KCNN2: variants seen among roughly 807,000 people sequenced by gnomAD.
KCNN2 encodes small conductance calcium-activated potassium channel protein 2.
Under a neutral mutation model 55.5 loss-of-function variants are expected in KCNN2, and 24 were observed. The observed-to-expected ratio is 0.43, with a 90% CI of 0.31 to 0.61. KCNN2 has a LOEUF of 0.61. Among genes scored for constraint, KCNN2 ranks in the 20% least tolerant of loss-of-function variants. KCNN2 has a pLI of 0.08. For missense variants in KCNN2, 754 were observed against 853.6 expected, an observed-to-expected ratio of 0.88 and a Z score of 1.45; for synonymous variants, 431 against 336.1, an observed-to-expected ratio of 1.28 and a Z score of -3.09.
At chr5:114,187,999 A>G (rs1002234622) in intron 1 of KCNN2, among the ~76,000 whole-genome samples, 1 of 150,944 alleles carries the variant, frequency 6.6e-6, no homozygotes, top group Admixed American at 6.6e-5. Flanking sequence ...TTTTTAGTAG[A>G]GATGGGTTTC....
At chr5:114,492,737 T>A (rs888466396) in intron 6 of KCNN2, among the ~76,000 whole-genome samples, 2 of 152,116 alleles carry the variant, frequency 1.3e-5, no homozygotes, top group Non-Finnish European at 2.9e-5. Context: ...CTGACTTTTA[T>A]CTACACTGAA....
chr5:114,489,267 C>G (rs188898820), intron 6 of KCNN2, among the ~76,000 whole-genome samples: 6 of 151,868 alleles, frequency 4.0e-5, no homozygotes, highest in African/African-American at 1.5e-4. Context: ...TCAACTTTGC[C>G]GTTAGGTTAT....
chr5:114,495,039 C>G (rs1302278602), intron 7 of KCNN2, among the ~76,000 whole-genome samples: 2 of 152,110 alleles, frequency 1.3e-5, no homozygotes, highest in Admixed American at 1.3e-4. Flanking sequence ...CTGTCTAGCT[C>G]TGAGCTGATC....
chr5:114,466,159 A>C (rs1700598912), intron 4 of KCNN2, among the ~76,000 whole-genome samples: 1 of 152,216 alleles, frequency 6.6e-6, no homozygotes, highest in Admixed American at 6.5e-5. Context: ...GAAATAAAAG[A>C]AAACCACTCA....
intron 3 of KCNN2, among the ~76,000 whole-genome samples, chr5:114,440,799 G>T (rs1229028392): frequency 6.8e-6 from 1 of 146,854 alleles, no homozygotes; most frequent in Non-Finnish European, 1.5e-5. Context: ...AAATAGAATA[G>T]AAAAATGTGT....
At position 114,148,939 on chromosome 5, in the gene KCNN2, T is replaced by G. The variant is rs548946761; in HGVS notation, c.-270-72541T>G. Reference sequence around the variant, plus strand: ...AGACTGAAAAGGAAGTAAAGTGACCTGAATAAGAGCCCAGTCAGCCCAACC... The same window carrying G: ...AGACTGAAAAGGAAGTAAAGTGACCGGAATAAGAGCCCAGTCAGCCCAACC... On this transcript the variant is annotated intron_variant, in intron 1 of 10. Transcript: ENST00000512097. 1.7e-4 allele frequency among the ~76,000 whole-genome samples: 26 copies of G among 152,142 alleles called. 1 individual carries two copies. In the East Asian group the frequency reaches 4.1e-3, roughly 24 times the overall value.
chr5:114,299,953 G>T (rs1756117948), intron 2 of KCNN2, among the ~76,000 whole-genome samples: 1 of 152,040 alleles, frequency 6.6e-6, no homozygotes, highest in African/African-American at 2.4e-5. Context: ...TTATTCAGAA[G>T]TCATCTCCAA....
At chr5:114,175,038 T>C (rs1753107853) in intron 1 of KCNN2, among the ~76,000 whole-genome samples, 1 of 152,192 alleles carries the variant, frequency 6.6e-6, no homozygotes, top group East Asian at 1.9e-4. Flanking sequence ...TGATACTATT[T>C]ATTTGCTGGG....
intron 2 of KCNN2, among the ~76,000 whole-genome samples, chr5:114,256,551 C>G (rs1222254818): frequency 3.3e-5 from 5 of 151,966 alleles, no homozygotes; most frequent in African/African-American, 9.7e-5. Flanking sequence ...TGTTTTTTGA[C>G]TTTGTAATCA....
At chr5:114,341,271 G>T (rs1285340498) in intron 2 of KCNN2, among the ~76,000 whole-genome samples, 2 of 152,180 alleles carry the variant, frequency 1.3e-5, no homozygotes, top group African/African-American at 2.4e-5. Context: ...TCAGTGTGCT[G>T]TAAAGAAGGG....
At chr5:114,279,121 GTAA>G (rs1319172519) in intron 2 of KCNN2, among the ~76,000 whole-genome samples, 1 of 151,960 alleles carries the variant, frequency 6.6e-6, no homozygotes, top group East Asian at 1.9e-4. Context: ...CTTAGTGACT[GTAA>G]TAATAATGCC....
intron 2 of KCNN2, among the ~76,000 whole-genome samples, chr5:114,279,896 A>G (rs568811557): frequency 6.6e-6 from 1 of 152,330 alleles, no homozygotes; most frequent in East Asian, 1.9e-4. Context: ...CAATAGTTGA[A>G]CTAGTTTACA....
rs57320559 is a variant in KCNN2, at chr5:114,085,053, CAT to C, written c.-271+28568_-271+28569del. Among the ~76,000 whole-genome samples, 387 of 149,974 alleles carry C rather than the reference CAT, an allele frequency of 2.6e-3. 3 individuals carry two copies. Among genetic ancestry groups the C allele is most frequent in the Non-Finnish European group, 4.3e-3 (288 of 67,252 alleles). The stretch of plus-strand genomic sequence containing the variant: ...CTGTTCCATTGATTATATATAGAGA[CAT>C]ATATATATATATATGTGTGTGTCTA... On this transcript the variant is annotated intron_variant, in intron 1 of 10. Transcript: ENST00000512097.
intron 1 of KCNN2, among the ~76,000 whole-genome samples, chr5:114,069,509 AT>A (rs554894816): frequency 1.8e-3 from 266 of 151,502 alleles, no homozygotes; most frequent in African/African-American, 6.2e-3. Context: ...GGCTCAGGAT[AT>A]TTTTTTTTCT....
chr5:114,424,295 T>C (rs1473664731), intron 3 of KCNN2, among the ~76,000 whole-genome samples: 1 of 152,174 alleles, frequency 6.6e-6, no homozygotes, highest in Non-Finnish European at 1.5e-5. Context: ...AAAAGGGAGA[T>C]GAGCACACAT....
chr5:114,293,814 T>C (rs1755948457), intron 2 of KCNN2, among the ~76,000 whole-genome samples: 1 of 152,206 alleles, frequency 6.6e-6, no homozygotes, highest in Non-Finnish European at 1.5e-5. Context: ...TGTGAATCCA[T>C]CTGGTCCTGG....
chr5:114,446,869 T>C (rs1392955015), intron 3 of KCNN2, among the ~76,000 whole-genome samples: 1 of 152,132 alleles, frequency 6.6e-6, no homozygotes, highest in Non-Finnish European at 1.5e-5. Context: ...ACCACTGCGC[T>C]CCAGACTGGG....
intron 1 of KCNN2, among the ~76,000 whole-genome samples, chr5:114,204,621 A>G (rs1457531464): frequency 6.6e-6 from 1 of 152,162 alleles, no homozygotes; most frequent in Non-Finnish European, 1.5e-5. Context: ...AATGAGTATG[A>G]AAGTTCTTCA....
At chr5:114,257,274 T>C (rs1274817114) in intron 2 of KCNN2, among the ~76,000 whole-genome samples, 3 of 152,170 alleles carry the variant, frequency 2.0e-5, no homozygotes, top group Non-Finnish European at 4.4e-5. Flanking sequence ...TGTAGTATAA[T>C]TTGAAGTCAG....
Sources: gnomAD v4.1 joint callset for allele counts (sites outside exome capture counted in the v4.1 genomes callset) on GRCh38, gnomAD v4.1.1 for gene constraint, MANE v1.5 for transcripts, NCBI Gene and HGNC (gene_info 2026-07-23, HGNC 2026-07-21) for gene names.